SLC17A1: variants seen among roughly 807,000 people sequenced by gnomAD.
The protein encoded by SLC17A1 is solute carrier family 17 member 1.
In SLC17A1, 51 loss-of-function variants were observed where a neutral mutation model predicts 53.5. The ratio of observed to expected loss-of-function variants is 0.95; its 90% CI spans 0.76 to 1.20. SLC17A1 has a LOEUF of 1.20. Ranked by LOEUF, SLC17A1 falls within the 50% of genes most tolerant of loss-of-function variation. The probability of loss-of-function intolerance (pLI) is 0.00; values close to 1 mark genes in which losing one functional copy is unlikely to be tolerated. For synonymous variants in SLC17A1, 179 were observed against 198.8 expected, an observed-to-expected ratio of 0.90 and a Z score of 0.84; for missense variants, 538 against 568.2, an observed-to-expected ratio of 0.95 and a Z score of 0.54.
Position 25,819,076 on chromosome 6 carries a change from T to C in SLC17A1, c.608A>G (p.Tyr203Cys). Residue 203 changes from tyrosine to cysteine, a missense_variant, in exon 6 of 13, where the codon TAT (tyrosine) becomes TGT (cysteine). Tyr to Cys is a radical substitution (Grantham distance 194, BLOSUM62 -2). Coordinates refer to ENST00000244527, the MANE Select transcript of SLC17A1 (RefSeq NM_005074.5). Reference protein sequence around the residue: ...CESLGWPMVFYIFGACGCAVC... With the variant: ...CESLGWPMVFCIFGACGCAVC... ...TACAGAAAGAGACTCACCAAAAATA[T>C]AGAAGACCATGGGCCAGCCCAGAGA... The C allele has an allele frequency of 6.3e-7, 1 of 1,595,978 alleles. No individual in the cohort carries two copies. Among genetic ancestry groups the C allele is most frequent in the Non-Finnish European group, 8.5e-7 (1 of 1,174,458 alleles).
chr6:25,733,915 A>G, the SLC17A1 span, among the ~76,000 whole-genome samples: 56 of 151,570 alleles, frequency 3.7e-4, 2 homozygotes, highest in South Asian at 6.3e-4. Flanking sequence ...CCTGGGTTCC[A>G]GTGATTCTCC....
chr6:25,828,808 T>C (rs759032453), intron 2 of SLC17A1, among the ~76,000 whole-genome samples: 5 of 152,164 alleles, frequency 3.3e-5, no homozygotes, highest in Non-Finnish European at 7.4e-5. Context: ...TATAAATCAG[T>C]GACCATTTAA....
chr6:25,817,373 G>C (rs1448059739), intron 6 of SLC17A1, among the ~76,000 whole-genome samples: 2 of 152,142 alleles, frequency 1.3e-5, no homozygotes, highest in South Asian at 4.1e-4. Context: ...TTTGACATAC[G>C]TGGACATCAT....
intron 3 of SLC17A1, among the ~76,000 whole-genome samples, chr6:25,820,922 G>A (rs79837869): frequency 2.1e-5 from 3 of 145,980 alleles, no homozygotes; most frequent in Non-Finnish European, 4.5e-5. Context: ...AAAAAAGAAT[G>A]ATAAAAGAAA....
the SLC17A1 span, among the ~76,000 whole-genome samples, chr6:25,776,019 C>T: frequency 2.0e-5 from 3 of 152,150 alleles, no homozygotes; most frequent in Middle Eastern, 3.4e-3. Context: ...TAAATTTCTG[C>T]ATATGAGATT....
chr6:25,758,891 T>C, the SLC17A1 span, among the ~76,000 whole-genome samples: 1 of 152,198 alleles, frequency 6.6e-6, no homozygotes, highest in Non-Finnish European at 1.5e-5. Flanking sequence ...TAAACTTAGA[T>C]TGTCTATTTG....
chr6:25,824,116 A>C (rs1181839529), intron 3 of SLC17A1, among the ~76,000 whole-genome samples: 1 of 152,044 alleles, frequency 6.6e-6, no homozygotes. Context: ...TTTAACAGTA[A>C]AATGAAAAAT....
intron 1 of SLC17A1, among the ~76,000 whole-genome samples, chr6:25,831,143 C>A (rs943541151): frequency 6.6e-5 from 10 of 152,284 alleles, no homozygotes; most frequent in African/African-American, 2.4e-4. Flanking sequence ...CGTCCACATG[C>A]CCCTGTCCGT....
chr6:25,724,190 G>C, the SLC17A1 span, among the ~76,000 whole-genome samples: 3 of 152,190 alleles, frequency 2.0e-5, no homozygotes, highest in Non-Finnish European at 4.4e-5. Context: ...TTGGGAGGCT[G>C]AGGCTGGCGG....
At chr6:25,750,344 C>T in the SLC17A1 span, among the ~76,000 whole-genome samples, 1 of 152,082 alleles carries the variant, frequency 6.6e-6, no homozygotes, top group African/African-American at 2.4e-5. Flanking sequence ...CTATATTTCA[C>T]AAAGTATAAT....
chr6:25,793,905 C>A (rs1561824564), intron 12 of SLC17A1, among the ~76,000 whole-genome samples: 1 of 152,148 alleles, frequency 6.6e-6, no homozygotes, highest in Non-Finnish European at 1.5e-5. Context: ...ACAAATCCTT[C>A]AAGTTGGATG....
chr6:25,797,039 A>T (rs1763615695), intron 12 of SLC17A1, among the ~76,000 whole-genome samples: 1 of 152,232 alleles, frequency 6.6e-6, no homozygotes, highest in African/African-American at 2.4e-5. Context: ...TGAGTCAAGT[A>T]CTTTTTAATT....
chr6:25,807,667 C>T (rs1056065292), intron 10 of SLC17A1, among the ~76,000 whole-genome samples: 1 of 151,846 alleles, frequency 6.6e-6, no homozygotes. Context: ...ATACCTATGT[C>T]CTCATTGTTT....
At chr6:25,828,938 T>C (rs946332076) in intron 2 of SLC17A1, among the ~76,000 whole-genome samples, 2 of 152,152 alleles carry the variant, frequency 1.3e-5, no homozygotes, top group Non-Finnish European at 2.9e-5. Flanking sequence ...AAAAAAGCAT[T>C]AGTACCCAAC....
chr6:25,808,874 C>T (rs922416197), intron 10 of SLC17A1, among the ~76,000 whole-genome samples: 27 of 151,980 alleles, frequency 1.8e-4, no homozygotes, highest in African/African-American at 6.3e-4. Context: ...ATAGAACTAC[C>T]ATTAGATCCT....
intron 12 of SLC17A1, among the ~76,000 whole-genome samples, chr6:25,787,258 T>C (rs1040666185): frequency 6.6e-6 from 1 of 151,268 alleles, no homozygotes; most frequent in Non-Finnish European, 1.5e-5. Flanking sequence ...GAGGCCAAGG[T>C]GGACGCATCA....
chr6:25,774,202 A>T, the SLC17A1 span, among the ~76,000 whole-genome samples: 2 of 152,222 alleles, frequency 1.3e-5, no homozygotes, highest in Admixed American at 1.3e-4. Context: ...TTCAAGTATA[A>T]CATAGAGAAA....
rs1051274398 is a variant in SLC17A1 at position 25,819,122 on chromosome 6, C to T, written c.562G>A (p.Val188Met). 2 of 1,610,358 alleles carry T rather than the reference C, an allele frequency of 1.2e-6. No individual in the cohort carries two copies. Among genetic ancestry groups the T allele is most frequent in the African/African-American group, 2.7e-5 (2 of 74,738 alleles). Residue 188 changes from valine to methionine, a missense_variant, in exon 6 of 13, where the codon GTG (valine) becomes ATG (methionine). Physicochemically the swap from Val to Met is conservative, Grantham distance 21 (BLOSUM62 1). Coordinates refer to ENST00000244527, the MANE Select transcript of SLC17A1 (RefSeq NM_005074.5). ...FLLGPFIVLL[V>M]TGVICESLGW... ...AGAGATTCACAGATAACTCCAGTCA[C>T]AAGTAGGACAATAAAGGGTCCCAGC...
the SLC17A1 span, among the ~76,000 whole-genome samples, chr6:25,724,833 T>A: frequency 4.6e-5 from 7 of 152,240 alleles, no homozygotes; most frequent in Non-Finnish European, 1.5e-5. Context: ...TTTTCAAATA[T>A]CTTCAATTTT....
Sources: allele counts gnomAD v4.1 joint callset (sites outside exome capture counted in the v4.1 genomes callset), GRCh38; gene constraint gnomAD v4.1.1; transcripts MANE v1.5; gene names NCBI Gene and HGNC (gene_info 2026-07-23, HGNC 2026-07-21).